Variants in WDTC1 observed in about 807,000 individuals in gnomAD.
WDTC1 encodes WD and tetratricopeptide repeats 1.
A neutral mutation model predicts 76.0 loss-of-function variants in WDTC1; 12 were observed. The observed-to-expected ratio is 0.16, with a 90% CI of 0.10 to 0.26. The LOEUF is 0.26. WDTC1 is among the 10% of genes least tolerant of loss of function. The pLI is 1.00. For synonymous variants in WDTC1, 326 were observed against 350.8 expected (o/e 0.93, Z 0.79); for missense variants, 511 against 908.8 (o/e 0.56, Z 5.63).
At chr1:27,285,198 G>A (rs1427192826) in intron 5 of WDTC1, among the ~76,000 whole-genome samples, 3 of 151,822 alleles carry the variant, frequency 2.0e-5, no homozygotes, top group African/African-American at 7.3e-5. Flanking sequence ...CACCACACCT[G>A]GCAGATTTTT....
At chr1:27,304,867 T>C in intron 14 of WDTC1, 134 bp from the exon 15 acceptor site, 1 of 887,180 alleles carries the variant, frequency 1.1e-6, no homozygotes, top group African/African-American at 1.7e-5. Context: ...CTGGGTCAAG[T>C]GCACACCCCA....
chr1:27,288,660 G>A (rs181952400), intron 6 of WDTC1, among the ~76,000 whole-genome samples: 3,498 of 151,680 alleles, frequency 0.023, 57 homozygotes, highest in Non-Finnish European at 0.036. Flanking sequence ...AGAGCACAGG[G>A]TTGGGGGTAA....
At position 27,297,052 on chromosome 1, in the gene WDTC1, C is replaced by T. The variant is rs202236167; in HGVS notation, c.954C>T (p.Val318=). The T allele has an allele frequency of 1.2e-6, 2 of 1,613,892 alleles. No homozygotes were observed. Among genetic ancestry groups the T allele is most frequent in the Non-Finnish European group, 1.7e-6 (2 of 1,179,908 alleles). The part of the protein sequence containing the change: ...LPRKCHSSGE[V]QNGKMSTNGV... ...TTTCTCACTATCTCCTGCCAGAAGTCCAGAATGGCAAGATGTCCACCAACG... is the reference window on the plus strand; with the variant it reads ...TTTCTCACTATCTCCTGCCAGAAGTTCAGAATGGCAAGATGTCCACCAACG... Residue 318 remains valine (V), a synonymous_variant, in exon 11 of 16, where the codon GTC becomes GTT. Transcript: ENST00000319394.
Position 27,277,260 on chromosome 1 carries a change from C to T in WDTC1, c.133-4979C>T, listed in dbSNP as rs552944095. 5.9e-5 allele frequency among the ~76,000 whole-genome samples: 9 copies of T among 152,164 alleles called. No individual in the cohort carries two copies. The South Asian group carries it at 1.9e-3, about 32-fold the overall frequency. On this transcript the variant is annotated intron_variant, in intron 3 of 15. Transcript: ENST00000319394. ...GTGTCTTAAAAAACATTGCCTAATC[C>T]AAGGTCATGAATATATACACCTGTG...
In WDTC1 at chr1:27,251,388, C is replaced by T. The variant is rs567866891; in HGVS notation, c.-99-9568C>T. ...ATAGCAACTCATATTTTCTTTGTAA[C>T]ATTGTGTCTTGTGTCTTCTTCTGTG... On this transcript the variant is annotated intron_variant, in intron 1 of 15. Transcript: ENST00000319394. Among the ~76,000 whole-genome samples the T allele has an allele frequency of 2.6e-5, 4 of 152,108 alleles. No individual in the cohort carries two copies. The East Asian group carries it at 7.7e-4, about 29-fold the overall frequency.
intron 1 of WDTC1, among the ~76,000 whole-genome samples, chr1:27,242,833 G>A (rs928338393): frequency 6.6e-6 from 1 of 152,152 alleles, no homozygotes; most frequent in Non-Finnish European, 1.5e-5. Flanking sequence ...AAGACATCAA[G>A]GTGAGTTTTT....
chr1:27,297,831 C>T, intron 11 of WDTC1, 107 bp from the exon 12 acceptor site: 3 of 1,263,570 alleles, frequency 2.4e-6, no homozygotes, highest in Non-Finnish European at 3.2e-6. Context: ...CAGTCAGATC[C>T]CAGGGGCCAA....
intron 3 of WDTC1, among the ~76,000 whole-genome samples, chr1:27,265,779 C>T (rs1021034450): frequency 5.3e-5 from 8 of 152,044 alleles, no homozygotes; most frequent in African/African-American, 1.9e-4. Context: ...AAGCCCATCT[C>T]TACAAAAAAA....
chr1:27,258,075 A>G (rs2012342387), intron 1 of WDTC1, among the ~76,000 whole-genome samples: 1 of 150,928 alleles, frequency 6.6e-6, no homozygotes, highest in African/African-American at 2.4e-5. Context: ...GGCATGAGCC[A>G]CTGCGCCTGG....
chr1:27,308,589 A>T lies in WDTC1; in HGVS notation c.*2206A>T, dbSNP rs937843026. ...GATATGTGTGTGTGTATATATATAT[A>T]AAAAAAATGAACAAAAGTTTTACAC... On this transcript the variant is annotated 3_prime_UTR_variant, in exon 16 of 16. Coordinates refer to ENST00000319394, the MANE Select transcript of WDTC1 (RefSeq NM_001276252.2). The T allele has an allele frequency of 9.2e-5, 14 of 152,118 alleles. No individual in the cohort carries two copies. The highest frequency in any genetic ancestry group is 8.3e-4 in the South Asian group (4 of 4,820). 9.4% of individuals were successfully genotyped at this position (152,118 alleles called of 1,614,324 possible). A position where few individuals can be genotyped will look rare whatever the true frequency, so the allele number is the denominator to read the frequency against.
At chr1:27,271,270 A>C (rs956283601) in intron 3 of WDTC1, among the ~76,000 whole-genome samples, 2 of 152,096 alleles carry the variant, frequency 1.3e-5, no homozygotes, top group African/African-American at 4.8e-5. Flanking sequence ...GCTGGAGTGC[A>C]GTGGCGTGAT....
intron 3 of WDTC1, among the ~76,000 whole-genome samples, chr1:27,266,206 TTTCCTC>T (rs1033536590): frequency 6.6e-6 from 1 of 152,086 alleles, no homozygotes; most frequent in Non-Finnish European, 1.5e-5. Context: ...AGTACCTACT[TTTCCTC>T]TTCCTCTACC....
At chr1:27,249,145 T>G (rs1037013246) in intron 1 of WDTC1, among the ~76,000 whole-genome samples, 2 of 151,890 alleles carry the variant, frequency 1.3e-5, no homozygotes, top group Non-Finnish European at 2.9e-5. Context: ...GGTGCATGCC[T>G]GTAATCCCAG....
intron 1 of WDTC1, among the ~76,000 whole-genome samples, chr1:27,248,850 G>A (rs994607506): frequency 4.6e-5 from 7 of 151,942 alleles, no homozygotes; most frequent in Non-Finnish European, 8.8e-5. Context: ...TAGAGACAGG[G>A]TTTCACCATG....
At chr1:27,254,110 A>G (rs2012192050) in intron 1 of WDTC1, among the ~76,000 whole-genome samples, 1 of 151,698 alleles carries the variant, frequency 6.6e-6, no homozygotes, top group South Asian at 2.1e-4. Flanking sequence ...TTAAAAACAA[A>G]AACAAAAAAA....
intron 1 of WDTC1, among the ~76,000 whole-genome samples, chr1:27,257,983 G>T (rs2012338353): frequency 6.6e-6 from 1 of 151,982 alleles, no homozygotes; most frequent in African/African-American, 2.4e-5. Context: ...TAGAGACGGG[G>T]TTTCACCATA....
At position 27,288,956 on chromosome 1, in the gene WDTC1, C is replaced by T. The variant is rs1283646234; in HGVS notation, c.479+1095C>T. On this transcript the variant is annotated intron_variant, in intron 6 of 15. Transcript: ENST00000319394. ...GCAGAGGCACCCCTCACCTCCCGGA[C>T]GGGGCGGCTGGCCGGGCGGGGGGCT... 1.0e-4 allele frequency among the ~76,000 whole-genome samples: 15 copies of T among 147,042 alleles called. No individual in the cohort carries two copies. The East Asian group carries it at 1.5e-3, about 15-fold the overall frequency.
At chr1:27,252,897 A>G (rs1463327787) in intron 1 of WDTC1, among the ~76,000 whole-genome samples, 2 of 151,982 alleles carry the variant, frequency 1.3e-5, no homozygotes, top group Admixed American at 1.3e-4. Flanking sequence ...TTCTTATTCT[A>G]CTATGATGTG....
At chr1:27,250,603 C>G (rs888592780) in intron 1 of WDTC1, among the ~76,000 whole-genome samples, 3 of 152,148 alleles carry the variant, frequency 2.0e-5, no homozygotes, top group Non-Finnish European at 2.9e-5. Flanking sequence ...GAGGGGGAAG[C>G]TGGAATTCAG....
Sources: allele counts gnomAD v4.1 joint callset (sites outside exome capture counted in the v4.1 genomes callset), GRCh38; gene constraint gnomAD v4.1.1; transcripts MANE v1.5; gene names NCBI Gene and HGNC (gene_info 2026-07-23, HGNC 2026-07-21).